The following NELL1 variants were observed in gnomAD, a reference collection of about 807,000 sequenced individuals.
NELL1 encodes the protein protein kinase C-binding protein NELL1.
NELL1 carries 76 observed loss-of-function variants against 107.4 expected under a neutral mutation model. That is an observed-to-expected ratio of 0.71 (90% CI 0.59 to 0.86). The LOEUF (loss-of-function observed/expected upper bound fraction) is 0.86. Ranked by LOEUF, NELL1 falls within the 40% of genes least tolerant of loss-of-function variation. NELL1 has a pLI of 0.00. For synonymous variants in NELL1, 353 were observed against 341.2 expected (o/e 1.03, Z -0.38); for missense variants, 1,024 against 1,005.5 (o/e 1.02, Z -0.25).
chr11:21,111,568 G>T (rs1322451190), intron 12 of NELL1, among the ~76,000 whole-genome samples: 2 of 152,038 alleles, frequency 1.3e-5, no homozygotes, highest in Non-Finnish European at 2.9e-5. Context: ...CAGGTATATG[G>T]TGGCTTGCTC....
At chr11:21,333,431 A>C (rs990339209) in intron 14 of NELL1, among the ~76,000 whole-genome samples, 5 of 152,108 alleles carry the variant, frequency 3.3e-5, no homozygotes, top group African/African-American at 1.2e-4. Flanking sequence ...TAGAAAGATT[A>C]AAAGATGAAG....
chr11:21,083,281 C>G (rs575051556), intron 12 of NELL1, among the ~76,000 whole-genome samples: 3 of 152,122 alleles, frequency 2.0e-5, no homozygotes, highest in Admixed American at 6.6e-5. Context: ...GTGTGTGTTA[C>G]TCATATGGCA....
At chr11:20,875,944 T>C (rs779284600) in intron 4 of NELL1, among the ~76,000 whole-genome samples, 2 of 152,210 alleles carry the variant, frequency 1.3e-5, no homozygotes, top group Non-Finnish European at 2.9e-5. Context: ...CACGCAGGCT[T>C]GATCTCTGAG....
chr11:21,247,818 G>A (rs1858532753), intron 14 of NELL1, among the ~76,000 whole-genome samples: 1 of 152,122 alleles, frequency 6.6e-6, no homozygotes, highest in Non-Finnish European at 1.5e-5. Context: ...GTTTACACCA[G>A]CATCACCACA....
At chr11:21,223,283 T>A (rs1317424194) in intron 13 of NELL1, among the ~76,000 whole-genome samples, 1 of 152,186 alleles carries the variant, frequency 6.6e-6, no homozygotes, top group Non-Finnish European at 1.5e-5. Context: ...TTATATATAC[T>A]TGCTGAATTG....
At chr11:21,151,205 A>G (rs1391774009) in intron 13 of NELL1, among the ~76,000 whole-genome samples, 1 of 152,168 alleles carries the variant, frequency 6.6e-6, no homozygotes, top group Non-Finnish European at 1.5e-5. Context: ...CTGTGTAGCT[A>G]GGCTCTGTTT....
chr11:20,703,280 A>T (rs1854846808), intron 2 of NELL1, among the ~76,000 whole-genome samples: 1 of 152,094 alleles, frequency 6.6e-6, no homozygotes, highest in Non-Finnish European at 1.5e-5. Flanking sequence ...TTTCTAGTTC[A>T]TTTATGTAGA....
intron 9 of NELL1, among the ~76,000 whole-genome samples, chr11:20,931,493 AGCCATACCACAGT>A (rs1327374466): frequency 1.3e-5 from 2 of 152,236 alleles, no homozygotes; most frequent in African/African-American, 4.8e-5. Context: ...GTTAGTTCTT[AGCCATACCACAGT>A]GCCTACGTAT....
At chr11:21,468,321 C>G (rs914789220) in intron 15 of NELL1, among the ~76,000 whole-genome samples, 1 of 151,980 alleles carries the variant, frequency 6.6e-6, no homozygotes, top group Non-Finnish European at 1.5e-5. Flanking sequence ...CTTTTAATTA[C>G]TGTTATTTTC....
intron 14 of NELL1, among the ~76,000 whole-genome samples, chr11:21,341,117 T>C (rs1850554006): frequency 6.6e-6 from 1 of 152,290 alleles, no homozygotes; most frequent in East Asian, 1.9e-4. Flanking sequence ...TAGACCTGGG[T>C]TGAGCACTGA....
intron 13 of NELL1, among the ~76,000 whole-genome samples, chr11:21,160,772 A>G (rs1332642459): frequency 6.6e-6 from 1 of 152,172 alleles, no homozygotes; most frequent in Admixed American, 6.5e-5. Flanking sequence ...AAACTTATAC[A>G]TTACTATTTC....
intron 1 of NELL1, among the ~76,000 whole-genome samples, chr11:20,673,416 T>C (rs1853970938): frequency 1.3e-5 from 2 of 152,214 alleles, no homozygotes; most frequent in South Asian, 4.1e-4. Flanking sequence ...TTTTTTAGTC[T>C]GCATGGTCCA....
intron 2 of NELL1, among the ~76,000 whole-genome samples, chr11:20,736,452 C>A (rs571456920): frequency 6.8e-6 from 1 of 147,658 alleles, no homozygotes; most frequent in Non-Finnish European, 1.5e-5. Context: ...TTTAGCCCAG[C>A]GTCAAAGCTG....
At chr11:20,817,508 C>T (rs1043667164) in intron 3 of NELL1, among the ~76,000 whole-genome samples, 1 of 152,020 alleles carries the variant, frequency 6.6e-6, no homozygotes, top group South Asian at 2.1e-4. Flanking sequence ...TCTGTTTGTG[C>T]TTATTTGGAT....
At chr11:21,279,873 T>C (rs1247165706) in intron 14 of NELL1, among the ~76,000 whole-genome samples, 1 of 152,214 alleles carries the variant, frequency 6.6e-6, no homozygotes, top group Non-Finnish European at 1.5e-5. Flanking sequence ...AATGGAATAT[T>C]GTTCTATGCC....
chr11:20,724,419 G>A (rs1271770563), intron 2 of NELL1, among the ~76,000 whole-genome samples: 1 of 152,068 alleles, frequency 6.6e-6, no homozygotes. Context: ...AATAAGACAG[G>A]TCACCTCTTA....
chr11:20,727,042 T>C (rs1855523784), intron 2 of NELL1, among the ~76,000 whole-genome samples: 1 of 152,228 alleles, frequency 6.6e-6, no homozygotes, highest in Admixed American at 6.5e-5. Context: ...TTGTGAATAG[T>C]GCCGCAATAA....
intron 15 of NELL1, among the ~76,000 whole-genome samples, chr11:21,481,692 C>T (rs572152196): frequency 6.6e-6 from 1 of 152,192 alleles, no homozygotes; most frequent in Non-Finnish European, 1.5e-5. Context: ...TGCTGTGCCT[C>T]GTGGACTTTA....
intron 2 of NELL1, among the ~76,000 whole-genome samples, chr11:20,766,382 T>G (rs1856528555): frequency 6.6e-6 from 1 of 152,202 alleles, no homozygotes; most frequent in Admixed American, 6.5e-5. Flanking sequence ...GCTGCTTGTT[T>G]TATTGGAAAG....
Sources: gnomAD v4.1 joint callset for allele counts (sites outside exome capture counted in the v4.1 genomes callset) on GRCh38, gnomAD v4.1.1 for gene constraint, MANE v1.5 for transcripts, NCBI Gene and HGNC (gene_info 2026-07-23, HGNC 2026-07-21) for gene names.